SMARCA2: variants seen among roughly 807,000 people sequenced by gnomAD.
The protein encoded by SMARCA2 is SWI/SNF related BAF chromatin remodeling complex subunit ATPase 2, also known as SWI/SNF-related matrix-associated actin-dependent regulator of chromatin subfamily A member 2.
Under a neutral mutation model 199.8 loss-of-function variants are expected in SMARCA2, and 61 were observed. The observed-to-expected ratio is 0.31, with a 90% CI of 0.25 to 0.38. SMARCA2 has a LOEUF of 0.38. SMARCA2 is among the 10% of genes least tolerant of loss of function. SMARCA2 has a pLI of 1.00. For synonymous variants in SMARCA2, 935 were observed against 732.0 expected, an observed-to-expected ratio of 1.28 and a Z score of -4.48; for missense variants, 1,344 against 2,012.2, an observed-to-expected ratio of 0.67 and a Z score of 6.35.
intron 1 of SMARCA2, chr9:2,018,056 G>A (rs2130113887): frequency 6.6e-6 from 1 of 152,320 alleles, no homozygotes; most frequent in Non-Finnish European, 1.5e-5. Flanking sequence ...CGCTGCGCCC[G>A]GGGCTGTTGC....
chr9:2,159,058 A>G, intron 27 of SMARCA2: 3 of 1,548,070 alleles, frequency 1.9e-6, no homozygotes, highest in Non-Finnish European at 2.6e-6. Context: ...TTGTAATAAA[A>G]ATTGTTTCAG....
At chr9:2,183,636 A>G (rs62536678) in intron 31 of SMARCA2, among the ~76,000 whole-genome samples, 2 of 8,510 alleles carry the variant, frequency 2.4e-4, no homozygotes, top group Non-Finnish European at 1.7e-4. Flanking sequence ...TCATCAAACA[A>G]AGGAATAGAG....
In SMARCA2 at chr9:2,144,070, TGGGG is replaced by T. The variant is rs529015165; in HGVS notation, c.3982-17611_3982-17608del. Among the ~76,000 whole-genome samples the T allele has an allele frequency of 8.1e-3, 1,218 of 149,494 alleles. 12 individuals are homozygous for T. The highest frequency in any genetic ancestry group is 0.029 in the African/African-American group (1,166 of 40,682). ...CCCTTTTCATAGGGGAGCCGGGAGA[TGGGG>T]GGGGATGTAGGCATTTCTTTTGAGG... On this transcript the variant is annotated intron_variant, in intron 27 of 33. Coordinates refer to ENST00000349721, the MANE Select transcript of SMARCA2 (RefSeq NM_003070.5).
At chr9:2,043,714 G>A (rs1476930327) in intron 4 of SMARCA2, 1 of 152,156 alleles carries the variant, frequency 6.6e-6, no homozygotes, top group African/African-American at 2.4e-5. Context: ...ATGCTTTGAA[G>A]TTCTGTGCCT....
intron 29 of SMARCA2, chr9:2,181,364 C>G (rs988896043): frequency 4.5e-6 from 2 of 443,844 alleles, no homozygotes; most frequent in African/African-American, 4.1e-5. Flanking sequence ...GAAGTGGGGA[C>G]CAAATTGTAT....
chr9:2,051,239 A>G (rs534032022), intron 5 of SMARCA2, among the ~76,000 whole-genome samples: 5 of 152,272 alleles, frequency 3.3e-5, no homozygotes, highest in East Asian at 1.9e-4. Flanking sequence ...TAATTTTACT[A>G]TGGAGTCTAC....
chr9:2,190,463 C>T (rs1346053399), intron 32 of SMARCA2, among the ~76,000 whole-genome samples: 1 of 152,158 alleles, frequency 6.6e-6, no homozygotes, highest in Non-Finnish European at 1.5e-5. Context: ...TGAGGCTTTA[C>T]CTATAAATAT....
intron 27 of SMARCA2, among the ~76,000 whole-genome samples, chr9:2,132,217 A>G (rs1056804052): frequency 6.6e-6 from 1 of 152,238 alleles, no homozygotes; most frequent in African/African-American, 2.4e-5. Flanking sequence ...ATGGAAATAC[A>G]CAATGATAAA....
At chr9:2,143,793 G>C (rs987421927) in intron 27 of SMARCA2, among the ~76,000 whole-genome samples, 1 of 152,314 alleles carries the variant, frequency 6.6e-6, no homozygotes, top group South Asian at 2.1e-4. Flanking sequence ...TGTTTGGTAG[G>C]ACAGTGGAAT....
At chr9:2,176,182 G>GTTTTTTTTTTTTTTTTTTTTTTTTT (rs56186732) in intron 29 of SMARCA2, among the ~76,000 whole-genome samples, 4 of 104,158 alleles carry the variant, frequency 3.8e-5, no homozygotes, top group African/African-American at 1.1e-4. Context: ...CGCCCGGCCT[G>GTTTTTTTTTTTTTTTTTTTTTTTTT]TTTTTTTTTT....
At chr9:2,100,380 G>T (rs187719899) in intron 21 of SMARCA2, among the ~76,000 whole-genome samples, 6 of 152,300 alleles carry the variant, frequency 3.9e-5, no homozygotes. Flanking sequence ...TGTAATGGAG[G>T]AAAGCACAGT....
At chr9:2,152,740 T>TA (rs1418398322) in intron 27 of SMARCA2, among the ~76,000 whole-genome samples, 1 of 151,686 alleles carries the variant, frequency 6.6e-6, no homozygotes. Flanking sequence ...TAGTCCCAGG[T>TA]GCTTGAGAGT....
rs939513435 is a variant in SMARCA2 at position 2,161,208 on chromosome 9, A to T, written c.3982-478A>T. Among the ~76,000 whole-genome samples, 6 of 152,220 alleles carry T rather than the reference A, an allele frequency of 3.9e-5. No homozygotes were observed. Among genetic ancestry groups the T allele is most frequent in the Non-Finnish European group, 8.8e-5 (6 of 68,034 alleles). ...TGATTTATATTGTTAATCATGAATA[A>T]ATTGATGCAAAACCTGAAGAAAAGG... On this transcript the variant is annotated intron_variant, in intron 27 of 33. Coordinates refer to ENST00000349721, the MANE Select transcript of SMARCA2 (RefSeq NM_003070.5). The surrounding 1 kb of genome is among the most constrained non-coding windows in gnomAD (Gnocchi z 4.7).
chr9:2,136,283 G>A (rs1276525540), intron 27 of SMARCA2, among the ~76,000 whole-genome samples: 1 of 149,984 alleles, frequency 6.7e-6, no homozygotes, highest in African/African-American at 2.5e-5. Context: ...CGCTTCTCGG[G>A]TTCAAACAGT....
At chr9:2,166,907 C>G (rs896907037) in intron 28 of SMARCA2, among the ~76,000 whole-genome samples, 1 of 152,122 alleles carries the variant, frequency 6.6e-6, no homozygotes, top group Admixed American at 6.5e-5. Context: ...GAAACCCTGC[C>G]GAAAAAGTGA....
At chr9:2,020,792 C>T (rs1311161396) in intron 1 of SMARCA2, among the ~76,000 whole-genome samples, 1 of 152,030 alleles carries the variant, frequency 6.6e-6, no homozygotes, top group African/African-American at 2.4e-5. Context: ...ACAATAGAGC[C>T]AATGAAATTC....
intron 15 of SMARCA2, among the ~76,000 whole-genome samples, chr9:2,082,793 G>T (rs1282405507): frequency 1.3e-5 from 2 of 152,184 alleles, no homozygotes; most frequent in Non-Finnish European, 2.9e-5. Flanking sequence ...AAGACTATTT[G>T]CAGCCCTTTT....
chr9:2,077,920 G>A, intron 14 of SMARCA2, 144 bp downstream of exon 14: 1 of 703,938 alleles, frequency 1.4e-6, no homozygotes, highest in Non-Finnish European at 2.4e-6. Context: ...CTTTCATTGT[G>A]CCTATGATTC....
At chr9:2,028,896 A>C (rs1446456988) in intron 1 of SMARCA2, 91 bp from the exon 2 acceptor site, 1 of 1,069,028 alleles carries the variant, frequency 9.4e-7, no homozygotes, top group African/African-American at 1.6e-5. Context: ...TTTGTTACAG[A>C]AATGGCACCA....
Sources: allele counts gnomAD v4.1 joint callset (sites outside exome capture counted in the v4.1 genomes callset), GRCh38; gene constraint gnomAD v4.1.1; non-coding constraint Gnocchi (gnomAD v3.1); transcripts MANE v1.5; gene names NCBI Gene and HGNC (gene_info 2026-07-23, HGNC 2026-07-21).